Variants in UBAC2 observed in about 807,000 individuals in gnomAD.
UBAC2 encodes the protein UBA domain containing 2, also known as ubiquitin-associated domain-containing protein 2.
In UBAC2, 26 loss-of-function variants were observed where a neutral mutation model predicts 44.0. That is an observed-to-expected ratio of 0.59 (90% CI 0.43 to 0.82). The LOEUF is 0.82. Ranked by LOEUF, UBAC2 falls within the 40% of genes least tolerant of loss-of-function variation. UBAC2 has a pLI of 0.00. For missense variants in UBAC2, 329 were observed against 419.4 expected (o/e 0.78, Z 1.88); for synonymous variants, 155 against 154.3 (o/e 1.00, Z -0.04).
chr13:99,328,237 C>A (rs546640406), intron 6 of UBAC2, among the ~76,000 whole-genome samples: 23 of 152,212 alleles, frequency 1.5e-4, no homozygotes, highest in Middle Eastern at 6.8e-3. Flanking sequence ...ATGCACCATA[C>A]TTTGTTTATC....
intron 4 of UBAC2, among the ~76,000 whole-genome samples, chr13:99,309,080 G>C (rs2044377154): frequency 6.6e-6 from 1 of 151,908 alleles, no homozygotes; most frequent in Non-Finnish European, 1.5e-5. Context: ...GCTAGTTCAA[G>C]TAATTCCTCT....
At chr13:99,236,072 TA>T (rs1309235376) in intron 1 of UBAC2, among the ~76,000 whole-genome samples, 1 of 152,240 alleles carries the variant, frequency 6.6e-6, no homozygotes, top group Non-Finnish European at 1.5e-5. Context: ...ATTAAAGACT[TA>T]AGTCTAAGAC....
chr13:99,321,591 C>T (rs974955859), intron 6 of UBAC2, among the ~76,000 whole-genome samples: 1 of 152,184 alleles, frequency 6.6e-6, no homozygotes, highest in Admixed American at 6.5e-5. Context: ...GCGTGAGCCA[C>T]CGTGTCTGGC....
At chr13:99,330,050 A>G (rs537195137) in intron 6 of UBAC2, among the ~76,000 whole-genome samples, 1 of 152,288 alleles carries the variant, frequency 6.6e-6, no homozygotes, top group African/African-American at 2.4e-5. Flanking sequence ...TTCAATGTAC[A>G]GGTCTTGCAC....
At chr13:99,272,163 A>G (rs2043824058) in intron 4 of UBAC2, among the ~76,000 whole-genome samples, 1 of 152,214 alleles carries the variant, frequency 6.6e-6, no homozygotes, top group Admixed American at 6.5e-5. Flanking sequence ...TACTAGACCT[A>G]AAAATCCCAG....
intron 6 of UBAC2, among the ~76,000 whole-genome samples, chr13:99,330,411 A>G (rs529581366): frequency 7.3e-4 from 104 of 142,636 alleles, no homozygotes; most frequent in African/African-American, 2.2e-3. Context: ...GTGAGCTGAG[A>G]TCATGCCACT....
At chr13:99,250,051 G>A (rs1020348532) in intron 4 of UBAC2, among the ~76,000 whole-genome samples, 7 of 152,134 alleles carry the variant, frequency 4.6e-5, no homozygotes, top group African/African-American at 1.2e-4. Context: ...CTGTGCAGAA[G>A]CTCTTTAGTT....
intron 6 of UBAC2, among the ~76,000 whole-genome samples, chr13:99,320,784 A>G (rs2044557585): frequency 6.6e-6 from 1 of 152,206 alleles, no homozygotes; most frequent in Admixed American, 6.5e-5. Flanking sequence ...TATCAGTATT[A>G]TTTGTGAGTG....
chr13:99,287,033 AATATAC>A (rs1228429457), intron 4 of UBAC2, among the ~76,000 whole-genome samples: 1 of 152,330 alleles, frequency 6.6e-6, no homozygotes, highest in East Asian at 1.9e-4. Context: ...GAAATTTTCA[AATATAC>A]ATAAATACAG....
chr13:99,234,098 C>T (rs1483263791), intron 1 of UBAC2, among the ~76,000 whole-genome samples: 4 of 149,436 alleles, frequency 2.7e-5, no homozygotes, highest in East Asian at 3.9e-4. Context: ...GTTATTTCAG[C>T]GGTTTTCCTA....
intron 7 of UBAC2, among the ~76,000 whole-genome samples, chr13:99,356,541 G>A (rs999729396): frequency 6.6e-6 from 1 of 152,248 alleles, no homozygotes. Flanking sequence ...ACTGGTCACT[G>A]TGAGAAACCA....
At chr13:99,305,903 A>C (rs1566494760) in intron 4 of UBAC2, among the ~76,000 whole-genome samples, 1 of 152,022 alleles carries the variant, frequency 6.6e-6, no homozygotes, top group Admixed American at 6.6e-5. Context: ...TTATTTATTT[A>C]TTTATCTATC....
At chr13:99,203,713 G>A (rs529710212) in intron 1 of UBAC2, among the ~76,000 whole-genome samples, 3 of 152,292 alleles carry the variant, frequency 2.0e-5, no homozygotes, top group East Asian at 1.9e-4. Context: ...GACAATGAGA[G>A]GGTAACTGCA....
chr13:99,337,155 G>A (rs754536955), intron 6 of UBAC2, among the ~76,000 whole-genome samples: 20 of 152,028 alleles, frequency 1.3e-4, no homozygotes, highest in Admixed American at 2.6e-4. Flanking sequence ...TAAATATTCC[G>A]CATGAATTTG....
At chr13:99,232,420 A>ATATATATATATATATATATATATATATT (rs1438082766) in intron 1 of UBAC2, among the ~76,000 whole-genome samples, 5 of 142,620 alleles carry the variant, frequency 3.5e-5, no homozygotes, top group African/African-American at 1.3e-4. Context: ...ATATATATAT[A>ATATATATATATATATATATATATATATT]TTCACACACA....
At chr13:99,320,180 A>G (rs1339831170) in intron 6 of UBAC2, among the ~76,000 whole-genome samples, 3 of 152,092 alleles carry the variant, frequency 2.0e-5, no homozygotes, top group Non-Finnish European at 4.4e-5. Context: ...AGAAAGTTGC[A>G]TTGTGTGACA....
chr13:99,271,745 C>T (rs1013212394), intron 4 of UBAC2, among the ~76,000 whole-genome samples: 1 of 152,126 alleles, frequency 6.6e-6, no homozygotes, highest in African/African-American at 2.4e-5. Context: ...ATTGTGAACT[C>T]ATTTTCAGTG....
chr13:99,272,851 A>AC (rs2043833668), intron 4 of UBAC2, among the ~76,000 whole-genome samples: 1 of 152,106 alleles, frequency 6.6e-6, no homozygotes, highest in South Asian at 2.1e-4. Flanking sequence ...GCACAGCAGC[A>AC]TGTATATTGT....
At chr13:99,237,605 C>T (rs887390038) in intron 1 of UBAC2, among the ~76,000 whole-genome samples, 3 of 152,266 alleles carry the variant, frequency 2.0e-5, no homozygotes, top group South Asian at 4.1e-4. Flanking sequence ...ATCTATCGTA[C>T]GTTTCAAAAT....
Sources: allele counts gnomAD v4.1 joint callset (sites outside exome capture counted in the v4.1 genomes callset), GRCh38; gene constraint gnomAD v4.1.1; transcripts MANE v1.5; gene names NCBI Gene and HGNC (gene_info 2026-07-23, HGNC 2026-07-21).